GRIK5: variants seen among roughly 807,000 people sequenced by gnomAD.
GRIK5 encodes the protein glutamate receptor ionotropic, kainate 5.
In GRIK5, 43 loss-of-function variants were observed where a neutral mutation model predicts 97.4. The observed-to-expected ratio is 0.44, with a 90% CI of 0.35 to 0.57. The LOEUF is 0.57. Among genes scored for constraint, GRIK5 ranks in the 20% least tolerant of loss-of-function variants. GRIK5 has a pLI of 0.01. For synonymous variants in GRIK5, 580 were observed against 583.5 expected (o/e 0.99, Z 0.09); for missense variants, 1,015 against 1,382.0 (o/e 0.73, Z 4.21).
At chr19:42,000,441 G>A (rs2075414841) in intron 19 of GRIK5, among the ~76,000 whole-genome samples, 1 of 152,216 alleles carries the variant, frequency 6.6e-6, no homozygotes, top group Non-Finnish European at 1.5e-5. Flanking sequence ...ATGGAAGAGA[G>A]AGAATAGTGA....
chr19:42,007,689 C>A (rs534710802), intron 15 of GRIK5, among the ~76,000 whole-genome samples: 1 of 152,192 alleles, frequency 6.6e-6, no homozygotes, highest in Admixed American at 6.5e-5. Context: ...TCTGTGCATG[C>A]ATGGGGTGAA....
intron 15 of GRIK5, among the ~76,000 whole-genome samples, chr19:42,017,563 G>A (rs1319578677): frequency 6.6e-6 from 1 of 152,230 alleles, no homozygotes; most frequent in Non-Finnish European, 1.5e-5. Flanking sequence ...CATTTGAGGG[G>A]TGGCAAAGGC....
chr19:42,020,379 C>G (rs1258927813), intron 15 of GRIK5, among the ~76,000 whole-genome samples: 2 of 152,194 alleles, frequency 1.3e-5, no homozygotes, highest in South Asian at 4.1e-4. Flanking sequence ...AGCTCCTCTG[C>G]CTCTCCAGGA....
At chr19:42,055,715 T>C (rs2076174476) in intron 8 of GRIK5, among the ~76,000 whole-genome samples, 2 of 152,210 alleles carry the variant, frequency 1.3e-5, no homozygotes, top group Admixed American at 1.3e-4. Flanking sequence ...AGTCTTGCTC[T>C]GTCACCCAGG....
intron 8 of GRIK5, among the ~76,000 whole-genome samples, chr19:42,056,383 C>T (rs997705299): frequency 3.3e-5 from 5 of 152,282 alleles, no homozygotes; most frequent in Admixed American, 2.0e-4. Context: ...CACTGCTTCT[C>T]TCGGAAAGTG....
intron 12 of GRIK5, among the ~76,000 whole-genome samples, chr19:42,032,397 C>T (rs574720759): frequency 6.6e-6 from 1 of 152,138 alleles, no homozygotes; most frequent in South Asian, 2.1e-4. Flanking sequence ...TATAAATTGG[C>T]GAAGCCTTTT....
chr19:42,069,169 T>G (rs1160357296), intron 1 of GRIK5, 72 bp downstream of exon 1: 1 of 386,670 alleles, frequency 2.6e-6, no homozygotes, highest in East Asian at 3.8e-5. Flanking sequence ...GGTGCCCCCC[T>G]GCCAGGCGGC....
intron 6 of GRIK5, 113 bp downstream of exon 6, chr19:42,059,236 A>G (rs539617777): frequency 1.2e-5 from 9 of 746,716 alleles, no homozygotes; most frequent in South Asian, 7.2e-5. Flanking sequence ...ACGGAAGAAG[A>G]AGGTCTTGAA....
chr19:42,007,962 G>C (rs556657266), intron 15 of GRIK5, among the ~76,000 whole-genome samples: 1 of 151,982 alleles, frequency 6.6e-6, no homozygotes, highest in South Asian at 2.1e-4. Flanking sequence ...AACCTAACTA[G>C]ATTCCAGAAA....
In GRIK5 at chr19:42,003,295, C is replaced by G; in HGVS notation, c.2514+37G>C. On this transcript the variant is annotated intron_variant, in intron 19 of 19. Coordinates refer to ENST00000593562, the MANE Select transcript of GRIK5 (RefSeq NM_002088.5). This position sits in a 1 kb window ranked among gnomAD's most constrained non-coding sequence, Gnocchi z 4.2. ...TTCACGCACCTCAGCCCCTGGGGGTCCCTGTTCCTGCCCACCCCCACCCCC... is the reference window on the plus strand; with the variant it reads ...TTCACGCACCTCAGCCCCTGGGGGTGCCTGTTCCTGCCCACCCCCACCCCC... 6.3e-7 allele frequency: 1 copy of G among 1,592,318 alleles called. No individual in the cohort carries two copies. Among genetic ancestry groups the G allele is most frequent in the Non-Finnish European group, 8.6e-7 (1 of 1,165,124 alleles).
intron 5 of GRIK5, among the ~76,000 whole-genome samples, chr19:42,060,666 G>A (rs538329673): frequency 7.3e-5 from 11 of 150,810 alleles, no homozygotes; most frequent in South Asian, 4.2e-4. Flanking sequence ...CCTCCTTGCT[G>A]TTCTGCACAC....
intron 12 of GRIK5, among the ~76,000 whole-genome samples, chr19:42,035,125 T>C (rs558022664): frequency 2.0e-5 from 3 of 152,156 alleles, no homozygotes; most frequent in Non-Finnish European, 4.4e-5. Context: ...ATTACAGGCA[T>C]GCGCCACCAC....
chr19:42,059,199 G>C (rs1240730107), intron 6 of GRIK5, 150 bp downstream of exon 6: 3 of 635,766 alleles, frequency 4.7e-6, no homozygotes, highest in Non-Finnish European at 8.2e-6. Context: ...GGCAGGCTGA[G>C]AGACAAACTT....
intron 3 of GRIK5, among the ~76,000 whole-genome samples, chr19:42,063,696 G>A (rs1380618552): frequency 2.6e-5 from 4 of 152,160 alleles, no homozygotes; most frequent in Non-Finnish European, 4.4e-5. Context: ...CAACTCAGAG[G>A]AAAGCAGGCC....
At chr19:42,013,571 G>A (rs934743270) in intron 15 of GRIK5, among the ~76,000 whole-genome samples, 33 of 151,538 alleles carry the variant, frequency 2.2e-4, no homozygotes, top group Admixed American at 5.9e-4. Context: ...CACCGCACCC[G>A]GCTAATTTTT....
intron 15 of GRIK5, among the ~76,000 whole-genome samples, chr19:42,009,649 T>C (rs534949682): frequency 6.6e-6 from 1 of 151,398 alleles, no homozygotes; most frequent in East Asian, 2.0e-4. Context: ...ATGCCTGTAA[T>C]CCCAGTTACT....
chr19:42,037,071 T>TA (rs1407953520), intron 12 of GRIK5, among the ~76,000 whole-genome samples: 3 of 152,226 alleles, frequency 2.0e-5, no homozygotes, highest in African/African-American at 7.2e-5. Flanking sequence ...TACACTCACA[T>TA]ACAGACCGCC....
At position 42,069,243 on chromosome 19, in the gene GRIK5, A is replaced by G. The variant is rs905804400; in HGVS notation, c.-53T>C. 14 of 252,670 alleles carry G rather than the reference A, an allele frequency of 5.5e-5. No homozygotes were observed. The highest frequency in any genetic ancestry group is 9.0e-5 in the Non-Finnish European group (12 of 133,538). 15.7% of individuals were successfully genotyped at this position (252,670 alleles called of 1,614,324 possible). ...ATCCCTGCCCTGCAGACACTCACGG[A>G]TCCTGGTGGGACGGAGGGCTGGGCT... On this transcript the variant is annotated splice_region_variant and 5_prime_UTR_variant, in exon 1 of 20. Transcript: ENST00000593562.
intron 9 of GRIK5, 54 bp from the exon 10 acceptor site, chr19:42,053,983 C>A: frequency 8.2e-7 from 1 of 1,219,848 alleles, no homozygotes; most frequent in Non-Finnish European, 1.2e-6. Context: ...CAGAGATGGG[C>A]AGGGAAGGCC....
Sources: gnomAD v4.1 joint callset for allele counts (sites outside exome capture counted in the v4.1 genomes callset) on GRCh38, gnomAD v4.1.1 for gene constraint, Gnocchi (gnomAD v3.1) non-coding constraint, MANE v1.5 for transcripts, NCBI Gene and HGNC (gene_info 2026-07-23, HGNC 2026-07-21) for gene names.